Variants in RGSL1 observed in about 807,000 individuals in gnomAD.
The protein encoded by RGSL1 is regulator of G protein signaling like 1, also known as regulator of G protein signaling protein-like.
In RGSL1, 97 loss-of-function variants were observed where a neutral mutation model predicts 124.7. The ratio of observed to expected loss-of-function variants is 0.78; its 90% CI spans 0.66 to 0.92. The LOEUF (loss-of-function observed/expected upper bound fraction) is 0.92. Ranked by LOEUF, RGSL1 falls within the 40% of genes least tolerant of loss-of-function variation. RGSL1 has a pLI of 0.00. For synonymous variants in RGSL1, 424 were observed against 438.1 expected, an observed-to-expected ratio of 0.97 and a Z score of 0.40; for missense variants, 1,233 against 1,288.4, an observed-to-expected ratio of 0.96 and a Z score of 0.66.
At chr1:182,514,999 C>T (rs1168388026) in intron 9 of RGSL1, among the ~76,000 whole-genome samples, 1 of 152,184 alleles carries the variant, frequency 6.6e-6, no homozygotes, top group African/African-American at 2.4e-5. Context: ...CCTCATTTCC[C>T]TTCCTTCTTT....
intron 8 of RGSL1, among the ~76,000 whole-genome samples, chr1:182,492,706 A>C (rs1655618864): frequency 6.7e-6 from 1 of 149,606 alleles, no homozygotes; most frequent in African/African-American, 2.5e-5. Flanking sequence ...TCGGCTCACT[A>C]CAAGCTCCGC....
At chr1:182,508,765 T>C (rs1277013190) in intron 9 of RGSL1, among the ~76,000 whole-genome samples, 2 of 133,006 alleles carry the variant, frequency 1.5e-5, no homozygotes, top group Non-Finnish European at 3.2e-5. Context: ...GGGACAATAG[T>C]GGAGGGAAGG....
At chr1:182,533,294 TTC>T (rs915345749) in intron 14 of RGSL1, among the ~76,000 whole-genome samples, 1 of 119,830 alleles carries the variant, frequency 8.3e-6, no homozygotes, top group African/African-American at 4.2e-5. Flanking sequence ...TGTAACTTGC[TTC>T]TTTTTTTTTT....
intron 8 of RGSL1, among the ~76,000 whole-genome samples, chr1:182,492,351 C>A (rs920662204): frequency 9.2e-5 from 14 of 152,100 alleles, no homozygotes; most frequent in Non-Finnish European, 1.8e-4. Flanking sequence ...CTACTCAATC[C>A]CTCAACAGAT....
intron 9 of RGSL1, among the ~76,000 whole-genome samples, chr1:182,513,195 A>T (rs1317928130): frequency 6.6e-6 from 1 of 152,222 alleles, no homozygotes; most frequent in Non-Finnish European, 1.5e-5. Context: ...AACTGCCATT[A>T]GAATATGGAC....
intron 6 of RGSL1, among the ~76,000 whole-genome samples, chr1:182,484,778 G>T (rs1483088302): frequency 6.6e-6 from 1 of 151,028 alleles, no homozygotes; most frequent in Non-Finnish European, 1.5e-5. Context: ...GCCTGAAGGG[G>T]TTAGGCAGAA....
chr1:182,476,959 C>A (rs1405281270), intron 6 of RGSL1, among the ~76,000 whole-genome samples: 5 of 152,184 alleles, frequency 3.3e-5, no homozygotes, highest in Non-Finnish European at 1.5e-5. Context: ...AAATTGCAAC[C>A]AGCTCCCCAT....
chr1:182,504,228 G>A (rs556376895), intron 9 of RGSL1, among the ~76,000 whole-genome samples: 22 of 151,934 alleles, frequency 1.4e-4, no homozygotes, highest in Middle Eastern at 3.4e-3. Context: ...TGATCCGCTC[G>A]CCTACAGCCT....
At position 182,549,984 on chromosome 1, in the gene RGSL1, A is replaced by G. The variant is rs1015881797; in HGVS notation, c.2934-1116A>G. 6.6e-5 allele frequency: 10 copies of G among 152,232 alleles called. 1 individual carries two copies. In the South Asian group the frequency reaches 2.1e-3, roughly 32 times the overall value. The allele number at this position is 152,232 out of a possible 1,614,324, so 9.4% of individuals were successfully genotyped here. On this transcript the variant is annotated intron_variant, in intron 17 of 21. Transcript: ENST00000294854. ...ATGAGCCAGTGTTTAGCTGTCTCCC[A>G]TGTGCTTAGAAAAATGAGACATGCT...
intron 15 of RGSL1, among the ~76,000 whole-genome samples, chr1:182,542,118 A>C (rs913397892): frequency 6.6e-6 from 1 of 151,848 alleles, no homozygotes; most frequent in Admixed American, 6.6e-5. Flanking sequence ...TTGGCTCCCT[A>C]TGCTTCTTAC....
chr1:182,491,797 G>A (rs1655544536), intron 8 of RGSL1, among the ~76,000 whole-genome samples: 1 of 152,088 alleles, frequency 6.6e-6, no homozygotes, highest in Non-Finnish European at 1.5e-5. Context: ...AGTTCCAGGA[G>A]AACTCTGTGC....
chr1:182,551,499 C>T (rs1660562780), intron 18 of RGSL1, among the ~76,000 whole-genome samples: 1 of 152,196 alleles, frequency 6.6e-6, no homozygotes, highest in Non-Finnish European at 1.5e-5. Flanking sequence ...ATCTGCTTTT[C>T]TGCTGCTTAA....
chr1:182,559,119 C>T (rs144812654), intron 21 of RGSL1, among the ~76,000 whole-genome samples: 1 of 152,262 alleles, frequency 6.6e-6, no homozygotes, highest in East Asian at 1.9e-4. Flanking sequence ...CTGCTTCTTC[C>T]TTAAATATCA....
chr1:182,477,553 C>A (rs917089287), intron 6 of RGSL1, among the ~76,000 whole-genome samples: 14 of 152,210 alleles, frequency 9.2e-5, no homozygotes, highest in Non-Finnish European at 1.8e-4. Context: ...GACCTAGAGA[C>A]AGCCACATTC....
chr1:182,507,431 T>G (rs534938525), intron 9 of RGSL1, among the ~76,000 whole-genome samples: 2 of 152,326 alleles, frequency 1.3e-5, no homozygotes, highest in African/African-American at 4.8e-5. Context: ...ACTCCTTGTC[T>G]TCATGAAATC....
chr1:182,535,324 G>A (rs1307053160), intron 14 of RGSL1, among the ~76,000 whole-genome samples: 1 of 152,058 alleles, frequency 6.6e-6, no homozygotes, highest in Non-Finnish European at 1.5e-5. Context: ...GATTCCCATT[G>A]GAACTTCCAC....
intron 6 of RGSL1, among the ~76,000 whole-genome samples, chr1:182,486,233 T>G (rs1655086187): frequency 6.6e-6 from 1 of 152,112 alleles, no homozygotes; most frequent in African/African-American, 2.4e-5. Context: ...TTATTTCTTT[T>G]AATTGAAAAT....
In RGSL1 at chr1:182,513,402, G is replaced by A. The variant is rs148216339; in HGVS notation, c.1826-8602G>A. On this transcript the variant is annotated intron_variant, in intron 9 of 21. Transcript: ENST00000294854. ...GATTTATAAGGTTAAGTATGCATGG[G>A]TTAAACATGTGTATTATACAAGGAA... is the stretch of plus-strand genomic sequence containing the variant. 2.3e-3 allele frequency among the ~76,000 whole-genome samples: 356 copies of A among 152,318 alleles called. 4 individuals are homozygous for A. The highest frequency in any genetic ancestry group is 7.9e-3 in the African/African-American group (330 of 41,564).
chr1:182,536,925 A>G (rs1280416799), intron 14 of RGSL1, among the ~76,000 whole-genome samples: 3 of 152,212 alleles, frequency 2.0e-5, no homozygotes, highest in East Asian at 1.9e-4. Flanking sequence ...GCCAAACCAT[A>G]TAATTTGCCA....
Sources: gnomAD v4.1 joint callset for allele counts (sites outside exome capture counted in the v4.1 genomes callset) on GRCh38, gnomAD v4.1.1 for gene constraint, MANE v1.5 for transcripts, NCBI Gene and HGNC (gene_info 2026-07-23, HGNC 2026-07-21) for gene names.